RGS20: variants seen among roughly 807,000 people sequenced by gnomAD.
RGS20 encodes gz-selective GTPase-activating protein.
RGS20 carries 30 observed loss-of-function variants against 33.6 expected under a neutral mutation model. That is an observed-to-expected ratio of 0.89 (90% CI 0.67 to 1.21). RGS20 has a LOEUF of 1.21. RGS20 is among the 50% of genes most tolerant of loss of function. The pLI, the probability that RGS20 is intolerant of heterozygous loss-of-function variation, is 0.00. For synonymous variants in RGS20, 208 were observed against 197.9 expected, an observed-to-expected ratio of 1.05 and a Z score of -0.43; for missense variants, 472 against 502.4, an observed-to-expected ratio of 0.94 and a Z score of 0.58.
chr8:53,893,711 C>A (rs1393468556), intron 2 of RGS20, among the ~76,000 whole-genome samples: 1 of 152,204 alleles, frequency 6.6e-6, no homozygotes, highest in Non-Finnish European at 1.5e-5. Context: ...CATAAGTTGC[C>A]TTCGGCCCCT....
At position 53,958,285 on chromosome 8, in the gene RGS20, C is replaced by T. The variant is rs765494602; in HGVS notation, c.994C>T (p.Arg332Trp). ...CTGTCGACAGGTGAGCTTAGACTCC[C>T]GGGTGAGAGAAGTGATCAACAGAAA... The change falls in exon 6 of 6, where the codon CGG (arginine) becomes TGG (tryptophan). Residue 332 changes from arginine to tryptophan, a missense_variant. Physicochemically the swap from Arg to Trp is moderately radical, Grantham distance 101 (BLOSUM62 -3). This residue lies in a region of RGS20 where 125 missense variants were observed against 169.5 expected (regional missense o/e 0.74). Coordinates refer to ENST00000297313, the MANE Select transcript of RGS20 (RefSeq NM_170587.4). 54 of 1,610,514 alleles carry T rather than the reference C, an allele frequency of 3.4e-5. No individual in the cohort carries two copies. The highest frequency in any genetic ancestry group is 3.2e-4 in the South Asian group (29 of 90,624).
At chr8:53,893,614 A>G (rs1338698907) in intron 2 of RGS20, among the ~76,000 whole-genome samples, 1 of 152,236 alleles carries the variant, frequency 6.6e-6, no homozygotes, top group Non-Finnish European at 1.5e-5. Context: ...GGGCAGATTT[A>G]AGTCAAAGCA....
At chr8:53,873,538 G>T (rs1812124849) in intron 1 of RGS20, among the ~76,000 whole-genome samples, 1 of 152,048 alleles carries the variant, frequency 6.6e-6, no homozygotes, top group Non-Finnish European at 1.5e-5. Context: ...TGTTTTTAAG[G>T]TTCATCTATG....
At chr8:53,924,375 A>G (rs1277160230) in intron 2 of RGS20, among the ~76,000 whole-genome samples, 1 of 152,020 alleles carries the variant, frequency 6.6e-6, no homozygotes, top group Non-Finnish European at 1.5e-5. Flanking sequence ...TTTAGTACAG[A>G]CGGGGTTTCA....
chr8:53,948,178 GATATAGT>G (rs1814584384), intron 4 of RGS20, among the ~76,000 whole-genome samples: 1 of 132,204 alleles, frequency 7.6e-6, no homozygotes, highest in Non-Finnish European at 1.6e-5. Flanking sequence ...CTATATATAT[GATATAGT>G]ATATATATTT....
intron 2 of RGS20, 45 bp from the exon 2 acceptor site, chr8:53,939,531 C>T: frequency 7.0e-7 from 1 of 1,438,544 alleles, no homozygotes; most frequent in Non-Finnish European, 9.2e-7. Flanking sequence ...GCCTTCATAA[C>T]GCTGGAACCC....
chr8:53,910,258 C>G (rs1263679529), intron 2 of RGS20, among the ~76,000 whole-genome samples: 1 of 152,070 alleles, frequency 6.6e-6, no homozygotes, highest in Non-Finnish European at 1.5e-5. Flanking sequence ...TTGAGGGGCT[C>G]TTGCTTCAGG....
At chr8:53,881,014 G>A (rs765547448) in intron 2 of RGS20, 2 of 1,595,014 alleles carry the variant, frequency 1.3e-6, no homozygotes, top group Admixed American at 1.7e-5. Context: ...CCCGCGGGAC[G>A]CATGCGCACG....
chr8:53,933,831 G>A (rs541021891), intron 2 of RGS20: 6 of 152,210 alleles, frequency 3.9e-5, no homozygotes, highest in African/African-American at 1.2e-4. Context: ...TTGAAATGAA[G>A]GAAAAAATGT....
chr8:53,875,268 C>T (rs1191565378), intron 1 of RGS20, among the ~76,000 whole-genome samples: 2 of 151,788 alleles, frequency 1.3e-5, no homozygotes, highest in South Asian at 2.1e-4. Flanking sequence ...CCCATCTCTA[C>T]TAAAAATACA....
At chr8:53,936,277 G>C (rs1404669565) in intron 2 of RGS20, among the ~76,000 whole-genome samples, 3 of 152,052 alleles carry the variant, frequency 2.0e-5, no homozygotes, top group Non-Finnish European at 4.4e-5. Context: ...AGAAATAAAT[G>C]GTATCCAAAT....
At chr8:53,944,066 A>T (rs1814390624) in intron 3 of RGS20, among the ~76,000 whole-genome samples, 1 of 123,342 alleles carries the variant, frequency 8.1e-6, no homozygotes, top group Admixed American at 7.2e-5. Flanking sequence ...AGGCTGAAAA[A>T]CTTTTATAAA....
chr8:53,953,272 G>A (rs1247599774), intron 4 of RGS20, among the ~76,000 whole-genome samples: 1 of 152,200 alleles, frequency 6.6e-6, no homozygotes, highest in East Asian at 1.9e-4. Context: ...TGTAATCCCA[G>A]CACTCTGGGA....
At chr8:53,945,396 T>C (rs1814446085) in intron 3 of RGS20, 1 of 152,020 alleles carries the variant, frequency 6.6e-6, no homozygotes, top group Non-Finnish European at 1.5e-5. Context: ...GGCAAATCTA[T>C]AGAGACAGGA....
rs1198500170 is a variant in RGS20 at position 53,909,207 on chromosome 8, GTGTATATATATATATATATATATATATA to G, written c.510+29607_510+29634del. The stretch of plus-strand genomic sequence containing the variant: ...TACTCTATTATCCATTATGGTATGT[GTGTATATATATATATATATATATATATA>G]TATATATATATATATATATACTTTT... On this transcript the variant is annotated intron_variant, in intron 2 of 5. Coordinates refer to ENST00000297313, the MANE Select transcript of RGS20 (RefSeq NM_170587.4). Among the ~76,000 whole-genome samples, 141 of 83,142 alleles carry G rather than the reference GTGTATATATATATATATATATATATATA, an allele frequency of 1.7e-3. 8 individuals carry two copies. The highest frequency in any genetic ancestry group is 6.6e-3 in the African/African-American group (125 of 18,912). The allele number at this position is 83,142 out of a possible 152,430, so 54.5% of individuals were successfully genotyped here.
rs181774484 is a variant in RGS20 at position 53,879,860 on chromosome 8, G to C, written c.510+258G>C. On this transcript the variant is annotated intron_variant, in intron 2 of 5. Coordinates refer to ENST00000297313, the MANE Select transcript of RGS20 (RefSeq NM_170587.4). ...TTTCCTTTCCATGGTCCAAGAAAAC[G>C]GGAGGGAGCCCTCGCTCTTCCCCGA... 167 of 407,022 alleles carry C rather than the reference G, an allele frequency of 4.1e-4. 1 individual carries two copies. The highest frequency in any genetic ancestry group is 3.0e-3 in the African/African-American group (147 of 48,422). The allele number at this position is 407,022 out of a possible 1,614,324, so 25.2% of individuals were successfully genotyped here. A position where few individuals can be genotyped will look rare whatever the true frequency, so the allele number is the denominator to read the frequency against.
At chr8:53,952,972 A>G (rs563076165) in intron 4 of RGS20, among the ~76,000 whole-genome samples, 23 of 152,334 alleles carry the variant, frequency 1.5e-4, no homozygotes, top group African/African-American at 5.1e-4. Flanking sequence ...ACGAAAATAA[A>G]TGCAACATTA....
chr8:53,875,504 T>G (rs865818894), intron 1 of RGS20, among the ~76,000 whole-genome samples: 70 of 151,100 alleles, frequency 4.6e-4, no homozygotes, highest in South Asian at 2.1e-4. Flanking sequence ...AGTCCCTTAC[T>G]TGGCTAGTAA....
chr8:53,866,481 A>G (rs930440945), intron 1 of RGS20, among the ~76,000 whole-genome samples: 2 of 152,084 alleles, frequency 1.3e-5, no homozygotes, highest in East Asian at 3.9e-4. Flanking sequence ...GGTTCAAGCA[A>G]TTCTCCTGCC....
Sources: allele counts gnomAD v4.1 joint callset (sites outside exome capture counted in the v4.1 genomes callset), GRCh38; gene constraint gnomAD v4.1.1; regional missense constraint gnomAD v4.1.1; transcripts MANE v1.5; gene names NCBI Gene and HGNC (gene_info 2026-07-23, HGNC 2026-07-21).